The following PPFIBP1 variants were observed in gnomAD, a reference collection of about 807,000 sequenced individuals.
The protein encoded by PPFIBP1 is liprin-beta-1.
PPFIBP1 carries 112 observed loss-of-function variants against 137.8 expected under a neutral mutation model. The ratio of observed to expected loss-of-function variants is 0.81; its 90% CI spans 0.70 to 0.95. The LOEUF (loss-of-function observed/expected upper bound fraction) is 0.95, where lower values mean the gene tolerates loss of function less well. PPFIBP1 is among the 40% of genes least tolerant of loss of function. The pLI is 0.00. For synonymous variants in PPFIBP1, 378 were observed against 417.3 expected, an observed-to-expected ratio of 0.91 and a Z score of 1.15; for missense variants, 1,083 against 1,196.6, an observed-to-expected ratio of 0.91 and a Z score of 1.40.
chr12:27,594,011 A>C (rs553403037), intron 2 of PPFIBP1: 2 of 1,345,484 alleles, frequency 1.5e-6, no homozygotes, highest in East Asian at 2.8e-5. Flanking sequence ...GTCGTCCTCT[A>C]TGTCGCTGTT....
chr12:27,586,344 T>C (rs1001716788), intron 2 of PPFIBP1, among the ~76,000 whole-genome samples: 1 of 152,194 alleles, frequency 6.6e-6, no homozygotes, highest in African/African-American at 2.4e-5. Flanking sequence ...ATATGTGCAT[T>C]AGTTTAAGAG....
intron 1 of PPFIBP1, among the ~76,000 whole-genome samples, chr12:27,528,750 T>C (rs191005225): frequency 2.0e-5 from 3 of 152,290 alleles, no homozygotes; most frequent in Admixed American, 2.0e-4. Flanking sequence ...TGGGTTCTTC[T>C]AGGAGTTTTA....
In PPFIBP1 at chr12:27,682,469, A is replaced by AGATCCCAAGCCC; in HGVS notation, c.2129_2130insGATCCCAAGCCC (p.His710delinsGlnIleProSerPro). ...CTGGGATCTGAAGAAGAAACCAATCATGGGAAGCTGGATTTCAACTGGGTC... is the reference window on the plus strand; with the variant it reads ...CTGGGATCTGAAGAAGAAACCAATCAGATCCCAAGCCCTGGGAAGCTGGATTTCAACTGGGTC... On this transcript the variant is annotated protein_altering_variant, in exon 23 of 30. Coordinates refer to ENST00000228425, the MANE Select transcript of PPFIBP1 (RefSeq NM_003622.4). 3 of 1,614,016 alleles carry AGATCCCAAGCCC rather than the reference A, an allele frequency of 1.9e-6. No homozygotes were observed. Among genetic ancestry groups the AGATCCCAAGCCC allele is most frequent in the Non-Finnish European group, 2.5e-6 (3 of 1,179,864 alleles).
intron 2 of PPFIBP1, among the ~76,000 whole-genome samples, chr12:27,630,848 A>G (rs1399212169): frequency 1.3e-5 from 2 of 152,148 alleles, no homozygotes; most frequent in Non-Finnish European, 2.9e-5. Context: ...CAACTTACAC[A>G]ACACTTAATA....
At chr12:27,552,728 C>T (rs1159456167) in intron 1 of PPFIBP1, 1 of 152,080 alleles carries the variant, frequency 6.6e-6, no homozygotes, top group East Asian at 1.9e-4. Flanking sequence ...AAGCATGGAA[C>T]AAAGGATCAT....
chr12:27,597,345 G>A (rs1395097387), intron 2 of PPFIBP1, among the ~76,000 whole-genome samples: 1 of 152,038 alleles, frequency 6.6e-6, no homozygotes, highest in African/African-American at 2.4e-5. Flanking sequence ...TAGTAGAGAC[G>A]GGGTTTCACC....
At chr12:27,649,401 A>G (rs1055981657) in intron 6 of PPFIBP1, among the ~76,000 whole-genome samples, 11 of 152,230 alleles carry the variant, frequency 7.2e-5, no homozygotes, top group African/African-American at 2.7e-4. Context: ...TAGCAAACAT[A>G]GTATCACCAT....
chr12:27,612,183 G>T (rs867237591), intron 2 of PPFIBP1, among the ~76,000 whole-genome samples: 3 of 152,034 alleles, frequency 2.0e-5, no homozygotes, highest in South Asian at 2.1e-4. Context: ...AGAGGTACAG[G>T]TTCTTGAAGC....
intron 4 of PPFIBP1, among the ~76,000 whole-genome samples, chr12:27,645,378 T>C (rs2058399107): frequency 6.6e-6 from 1 of 152,198 alleles, no homozygotes; most frequent in Admixed American, 6.5e-5. Flanking sequence ...AATCTATACA[T>C]CGTTTCTCAA....
At chr12:27,532,505 G>A (rs138451999) in intron 1 of PPFIBP1, among the ~76,000 whole-genome samples, 38 of 151,162 alleles carry the variant, frequency 2.5e-4, no homozygotes, top group African/African-American at 7.5e-4. Context: ...TACATTACTC[G>A]AGAAATACAA....
At chr12:27,539,233 G>A (rs1236244009) in intron 1 of PPFIBP1, among the ~76,000 whole-genome samples, 5 of 152,210 alleles carry the variant, frequency 3.3e-5, no homozygotes, top group Non-Finnish European at 7.3e-5. Context: ...ATCAGCATCA[G>A]TGATTCTTGC....
chr12:27,628,418 A>C (rs1475438079), intron 2 of PPFIBP1, among the ~76,000 whole-genome samples: 1 of 151,884 alleles, frequency 6.6e-6, no homozygotes, highest in Non-Finnish European at 1.5e-5. Flanking sequence ...GGCTCTAGCG[A>C]CCCTCCTGCC....
intron 2 of PPFIBP1, among the ~76,000 whole-genome samples, chr12:27,590,659 A>G (rs150832250): frequency 2.0e-5 from 3 of 152,308 alleles, no homozygotes; most frequent in South Asian, 2.1e-4. Context: ...TGAGGGATCA[A>G]TATTGCCCAG....
intron 9 of PPFIBP1, among the ~76,000 whole-genome samples, chr12:27,658,259 C>T (rs2139840822): frequency 6.6e-6 from 1 of 152,214 alleles, no homozygotes; most frequent in African/African-American, 2.4e-5. Flanking sequence ...TGCGTGTTAC[C>T]AGTGCCCACC....
chr12:27,642,555 A>G (rs1202557191), intron 4 of PPFIBP1, among the ~76,000 whole-genome samples: 1 of 152,210 alleles, frequency 6.6e-6, no homozygotes, highest in Non-Finnish European at 1.5e-5. Flanking sequence ...TTAGTCATCT[A>G]CCTGAGGCAG....
chr12:27,564,709 C>T (rs2049489241), intron 1 of PPFIBP1, among the ~76,000 whole-genome samples: 1 of 152,148 alleles, frequency 6.6e-6, no homozygotes, highest in South Asian at 2.1e-4. Flanking sequence ...CAGAAGAATT[C>T]CAGGGAAAAC....
chr12:27,585,910 T>C (rs1042461229), intron 2 of PPFIBP1, among the ~76,000 whole-genome samples: 1 of 151,978 alleles, frequency 6.6e-6, no homozygotes, highest in African/African-American at 2.4e-5. Context: ...TGAGGGGCAG[T>C]GGGGGAGTAT....
chr12:27,552,349 T>C (rs1040774074), intron 1 of PPFIBP1, among the ~76,000 whole-genome samples: 5 of 152,218 alleles, frequency 3.3e-5, no homozygotes, highest in African/African-American at 1.2e-4. Flanking sequence ...AAGAAACCTT[T>C]TGGCTGCAGT....
At chr12:27,573,806 G>C (rs557221629) in intron 1 of PPFIBP1, among the ~76,000 whole-genome samples, 18 of 152,062 alleles carry the variant, frequency 1.2e-4, no homozygotes, top group Non-Finnish European at 2.5e-4. Flanking sequence ...TACAAAGTGA[G>C]ACCTCATCAG....
Sources: gnomAD v4.1 joint callset for allele counts (sites outside exome capture counted in the v4.1 genomes callset) on GRCh38, gnomAD v4.1.1 for gene constraint, MANE v1.5 for transcripts, NCBI Gene and HGNC (gene_info 2026-07-23, HGNC 2026-07-21) for gene names.